CNTN5: variants seen among roughly 807,000 people sequenced by gnomAD.
CNTN5 encodes contactin 5, also known as contactin-5.
A neutral mutation model predicts 129.1 loss-of-function variants in CNTN5; 77 were observed. The ratio of observed to expected loss-of-function variants is 0.60; its 90% CI spans 0.50 to 0.72. The LOEUF (loss-of-function observed/expected upper bound fraction) is 0.72. Among genes scored for constraint, CNTN5 ranks in the 30% least tolerant of loss-of-function variants. CNTN5 has a pLI of 0.00. For missense variants in CNTN5, 1,478 were observed against 1,328.8 expected (o/e 1.11, Z -1.75); for synonymous variants, 509 against 465.6 (o/e 1.09, Z -1.20).
chr11:100,074,328 T>A, intron 13 of CNTN5, 34 bp downstream of exon 13: 1 of 1,536,922 alleles, frequency 6.5e-7, no homozygotes, highest in Non-Finnish European at 8.8e-7. Context: ...AGTTCAACAT[T>A]AGACTTTTTT....
At chr11:99,382,104 T>C (rs1264175821) in intron 2 of CNTN5, among the ~76,000 whole-genome samples, 3 of 152,172 alleles carry the variant, frequency 2.0e-5, no homozygotes, top group Non-Finnish European at 4.4e-5. Context: ...ACATCCTTGG[T>C]ATGAGAGTAC....
chr11:99,185,317 T>C (rs1404621370), intron 1 of CNTN5, among the ~76,000 whole-genome samples: 2 of 151,852 alleles, frequency 1.3e-5, no homozygotes, highest in Admixed American at 6.6e-5. Context: ...TAACAAATAT[T>C]TATTGAGTAT....
intron 1 of CNTN5, among the ~76,000 whole-genome samples, chr11:99,105,809 C>T (rs1342729589): frequency 6.6e-6 from 1 of 152,114 alleles, no homozygotes; most frequent in East Asian, 1.9e-4. Flanking sequence ...GAAACCCTAG[C>T]ATCCCATGAG....
At position 100,271,102 on chromosome 11, in the gene CNTN5, C is replaced by G; in HGVS notation, c.2175C>G (p.Ile725Met). 1 of 1,600,360 alleles carries G rather than the reference C, an allele frequency of 6.2e-7. No individual in the cohort carries two copies. Among genetic ancestry groups the G allele is most frequent in the Admixed American group, 1.8e-5 (1 of 55,796 alleles). ...CCTTCCTTTCTATAGTCCCAGAAAT[C>G]ATAACAGGGGACATGGAGTCAGCCA... is the stretch of plus-strand genomic sequence containing the variant. The part of the protein sequence containing the change: ...GWQTVKTVPE[I>M]ITGDMESAMA... The change falls in exon 18 of 25, where the codon ATC becomes ATG. Residue 725 changes from isoleucine (I) to methionine (M), a missense_variant. Coordinates refer to ENST00000524871, the MANE Select transcript of CNTN5 (RefSeq NM_014361.4).
At chr11:99,423,936 G>T (rs949991841) in intron 2 of CNTN5, among the ~76,000 whole-genome samples, 6 of 152,156 alleles carry the variant, frequency 3.9e-5, no homozygotes, top group African/African-American at 1.2e-4. Flanking sequence ...AGGTTTGAAT[G>T]ATATTAAAAC....
chr11:100,273,176 A>G (rs991739939), intron 18 of CNTN5, among the ~76,000 whole-genome samples: 1 of 152,034 alleles, frequency 6.6e-6, no homozygotes, highest in South Asian at 2.1e-4. Flanking sequence ...AGGCCTCACA[A>G]TAGCTTCTCC....
At chr11:100,052,897 A>G (rs1943028717) in intron 9 of CNTN5, among the ~76,000 whole-genome samples, 1 of 151,830 alleles carries the variant, frequency 6.6e-6, no homozygotes, top group Non-Finnish European at 1.5e-5. Context: ...AAGAAAGCTC[A>G]GAAATTTACC....
chr11:99,105,545 C>T (rs189827376), intron 1 of CNTN5, among the ~76,000 whole-genome samples: 1,982 of 152,192 alleles, frequency 0.013, 39 homozygotes, highest in African/African-American at 0.046. Context: ...TGCAGCAACT[C>T]TTAAGAGATC....
chr11:99,408,377 AAAAAAAG>A (rs1402738139), intron 2 of CNTN5, among the ~76,000 whole-genome samples: 8 of 143,100 alleles, frequency 5.6e-5, no homozygotes, highest in African/African-American at 2.2e-4. Context: ...CAAAAAAAAA[AAAAAAAG>A]AAAGAAAGAA....
At chr11:99,989,666 T>C (rs1314356285) in intron 8 of CNTN5, among the ~76,000 whole-genome samples, 1 of 152,208 alleles carries the variant, frequency 6.6e-6, no homozygotes, top group Non-Finnish European at 1.5e-5. Context: ...GCGTGGAAAT[T>C]TATGAAAATA....
At chr11:100,175,296 A>C (rs1947930689) in intron 13 of CNTN5, among the ~76,000 whole-genome samples, 1 of 152,032 alleles carries the variant, frequency 6.6e-6, no homozygotes, top group Admixed American at 6.6e-5. Flanking sequence ...TCCTGTATTA[A>C]ATGAGTGTAA....
At chr11:99,308,516 G>T (rs1316579610) in intron 1 of CNTN5, among the ~76,000 whole-genome samples, 1 of 152,032 alleles carries the variant, frequency 6.6e-6, no homozygotes, top group Non-Finnish European at 1.5e-5. Flanking sequence ...TGAGGCTAGG[G>T]ATACTATAAA....
At chr11:99,187,349 A>G (rs1858404977) in intron 1 of CNTN5, among the ~76,000 whole-genome samples, 1 of 151,776 alleles carries the variant, frequency 6.6e-6, no homozygotes, top group Non-Finnish European at 1.5e-5. Flanking sequence ...AACCCTGCCC[A>G]TCTACTGGGG....
intron 21 of CNTN5, among the ~76,000 whole-genome samples, chr11:100,316,898 A>G (rs1951582478): frequency 6.6e-6 from 1 of 152,210 alleles, no homozygotes; most frequent in African/African-American, 2.4e-5. Flanking sequence ...TTTAGTGCTT[A>G]TTATCAAGAA....
At chr11:99,550,820 A>C (rs773475716) in intron 2 of CNTN5, among the ~76,000 whole-genome samples, 15 of 152,160 alleles carry the variant, frequency 9.9e-5, no homozygotes, top group Non-Finnish European at 2.1e-4. Context: ...CATATTTACC[A>C]AGATTCAGTT....
At chr11:100,068,189 T>G (rs980793162) in intron 10 of CNTN5, among the ~76,000 whole-genome samples, 1 of 152,152 alleles carries the variant, frequency 6.6e-6, no homozygotes, top group Non-Finnish European at 1.5e-5. Context: ...ATCTCTACTC[T>G]TAATGATCTC....
chr11:99,554,073 C>A, intron 2 of CNTN5, among the ~76,000 whole-genome samples: 1 of 151,300 alleles, frequency 6.6e-6, no homozygotes, highest in Non-Finnish European at 1.5e-5. Flanking sequence ...ATTCAGTGTA[C>A]CATTTATATT....
Position 100,300,586 on chromosome 11 carries a change from TATAA to T in CNTN5, c.2620+1194_2620+1197del, listed in dbSNP as rs920531089. Among the ~76,000 whole-genome samples, 306 of 151,728 alleles carry T rather than the reference TATAA, an allele frequency of 2.0e-3. 2 individuals are homozygous for T. The highest frequency in any genetic ancestry group is 7.1e-3 in the African/African-American group (296 of 41,498). On this transcript the variant is annotated intron_variant, in intron 20 of 24. Transcript: ENST00000524871. The stretch of plus-strand genomic sequence containing the variant: ...ATGAAGCTATGAGCTTCACGGGGGA[TATAA>T]ATATAGTCATGTGAATATTTAAAAA...
intron 16 of CNTN5, among the ~76,000 whole-genome samples, chr11:100,248,362 TAG>T (rs1949892668): frequency 6.6e-6 from 1 of 151,922 alleles, no homozygotes; most frequent in East Asian, 1.9e-4. Flanking sequence ...CTGGTTAACA[TAG>T]AGAGACCCCA....
Sources: gnomAD v4.1 joint callset for allele counts (sites outside exome capture counted in the v4.1 genomes callset) on GRCh38, gnomAD v4.1.1 for gene constraint, MANE v1.5 for transcripts, NCBI Gene and HGNC (gene_info 2026-07-23, HGNC 2026-07-21) for gene names.